The following TAMM41 variants were observed in gnomAD, a reference collection of about 807,000 sequenced individuals.
TAMM41 encodes phosphatidate cytidylyltransferase, mitochondrial.
TAMM41 carries 36 observed loss-of-function variants against 44.1 expected under a neutral mutation model. That is an observed-to-expected ratio of 0.82 (90% CI 0.63 to 1.08). The LOEUF is 1.08. Among genes scored for constraint, TAMM41 ranks in the 50% least tolerant of loss-of-function variants. The pLI is 0.00. For synonymous variants in TAMM41, 164 were observed against 153.1 expected, an observed-to-expected ratio of 1.07 and a Z score of -0.53; for missense variants, 417 against 404.3, an observed-to-expected ratio of 1.03 and a Z score of -0.27.
chr3:11,841,173 C>A (rs1447863824), intron 2 of TAMM41, among the ~76,000 whole-genome samples: 1 of 145,944 alleles, frequency 6.9e-6, no homozygotes, highest in Admixed American at 7.1e-5. Context: ...GCCCTAACTC[C>A]CTGGGCTCCA....
downstream of TAMM41, chr3:11,790,304 T>C: frequency 1.7e-6 from 1 of 593,254 alleles, no homozygotes; most frequent in East Asian, 2.8e-5. Context: ...GAGAGGGTTC[T>C]TTTCTTCTGA....
chr3:11,821,129 G>A (rs1292097289), intron 4 of TAMM41, among the ~76,000 whole-genome samples: 2 of 152,184 alleles, frequency 1.3e-5, no homozygotes, highest in Admixed American at 6.5e-5. Flanking sequence ...CAAACTTTCT[G>A]GCACCAGGAA....
chr3:11,754,546 T>C, the TAMM41 span, among the ~76,000 whole-genome samples: 1 of 151,666 alleles, frequency 6.6e-6, no homozygotes, highest in East Asian at 1.9e-4. Context: ...TAAAAAAATT[T>C]TTTATAGAGA....
the TAMM41 span, among the ~76,000 whole-genome samples, chr3:11,727,006 G>C: frequency 2.0e-5 from 3 of 151,996 alleles, no homozygotes; most frequent in Non-Finnish European, 2.9e-5. Context: ...TTCAGGGAGA[G>C]AGGAAAGAAT....
chr3:11,744,627 G>A, the TAMM41 span, among the ~76,000 whole-genome samples: 1 of 151,928 alleles, frequency 6.6e-6, no homozygotes, highest in African/African-American at 2.4e-5. Context: ...CCCAGGAGGT[G>A]GAGGTTGCAG....
chr3:11,783,074 G>A, the TAMM41 span, among the ~76,000 whole-genome samples: 2 of 152,194 alleles, frequency 1.3e-5, no homozygotes, highest in Non-Finnish European at 2.9e-5. Context: ...CTGGACAAGA[G>A]CTTCTCCTTT....
At chr3:11,725,313 CT>C in the TAMM41 span, among the ~76,000 whole-genome samples, 3 of 96,862 alleles carry the variant, frequency 3.1e-5, no homozygotes, top group Non-Finnish European at 6.3e-5. Flanking sequence ...TCCTTTTTTT[CT>C]TCTCCTCCTC....
chr3:11,724,846 T>C, the TAMM41 span: 2 of 152,292 alleles, frequency 1.3e-5, no homozygotes, highest in African/African-American at 2.4e-5. Context: ...AGCTTCTCAG[T>C]TTCCCTTTCG....
At chr3:11,736,825 A>G in the TAMM41 span, among the ~76,000 whole-genome samples, 1 of 152,142 alleles carries the variant, frequency 6.6e-6, no homozygotes, top group African/African-American at 2.4e-5. Context: ...ATTTAGGGGA[A>G]ATTCTTCTGT....
chr3:11,792,196 G>C (rs1322265287), intron 7 of TAMM41, among the ~76,000 whole-genome samples: 1 of 151,502 alleles, frequency 6.6e-6, no homozygotes, highest in African/African-American at 2.4e-5. Context: ...GTTGCTGCTA[G>C]TGGACAGAAA....
chr3:11,791,484 G>A (rs1035097375), intron 7 of TAMM41, among the ~76,000 whole-genome samples: 3 of 152,114 alleles, frequency 2.0e-5, no homozygotes, highest in African/African-American at 7.2e-5. Flanking sequence ...GTTGAGGGTG[G>A]GATCATTCAG....
chr3:11,803,149 G>C (rs1363239939), intron 7 of TAMM41, among the ~76,000 whole-genome samples: 2 of 152,198 alleles, frequency 1.3e-5, no homozygotes, highest in Admixed American at 1.3e-4. Context: ...ATGCATGCCT[G>C]TAGTCCCAGC....
intron 4 of TAMM41, among the ~76,000 whole-genome samples, 181 bp from the exon 5 acceptor site, chr3:11,817,518 A>C (rs1344631305): frequency 6.6e-6 from 1 of 152,202 alleles, no homozygotes; most frequent in Non-Finnish European, 1.5e-5. Flanking sequence ...ACTTGTTTGG[A>C]GGAAAAGAGG....
intron 7 of TAMM41, among the ~76,000 whole-genome samples, chr3:11,799,001 G>A (rs1217847429): frequency 6.6e-6 from 1 of 152,006 alleles, no homozygotes; most frequent in Non-Finnish European, 1.5e-5. Flanking sequence ...GATCACTTGA[G>A]CCCAGGAGTT....
chr3:11,742,353 A>G, the TAMM41 span, among the ~76,000 whole-genome samples: 1 of 150,356 alleles, frequency 6.7e-6, no homozygotes, highest in South Asian at 2.1e-4. Context: ...GCAACCTTAT[A>G]GGACTGGCTT....
chr3:11,837,417 GAAGA>G (rs1266053637), intron 3 of TAMM41, among the ~76,000 whole-genome samples: 1 of 150,570 alleles, frequency 6.6e-6, no homozygotes, highest in African/African-American at 2.4e-5. Flanking sequence ...AAAAAAAAAA[GAAGA>G]AAGAAAAGTG....
chr3:11,816,507 T>C lies in TAMM41; in HGVS notation c.708+685A>G, dbSNP rs188040484. On this transcript the variant is annotated intron_variant, in intron 5 of 7. Transcript: ENST00000455809. The stretch of plus-strand genomic sequence containing the variant: ...GGCTGGGTGCAGTGGCTCATCCCTA[T>C]AATCCCAGTACTTTTGGACGCTGGG... Among the ~76,000 whole-genome samples, 8 of 152,294 alleles carry C rather than the reference T, an allele frequency of 5.3e-5. No homozygotes were observed. In the East Asian group the frequency reaches 1.5e-3, roughly 29 times the overall value.
At chr3:11,751,122 C>G in the TAMM41 span, among the ~76,000 whole-genome samples, 1 of 144,796 alleles carries the variant, frequency 6.9e-6, no homozygotes, top group African/African-American at 2.6e-5. Flanking sequence ...CACAGAGTCT[C>G]ACTCTATTGC....
chr3:11,760,028 C>G, the TAMM41 span, among the ~76,000 whole-genome samples: 24 of 152,088 alleles, frequency 1.6e-4, no homozygotes, highest in African/African-American at 4.3e-4. Context: ...GAGTAGAAAA[C>G]CCACACAAAG....
Sources: allele counts gnomAD v4.1 joint callset (sites outside exome capture counted in the v4.1 genomes callset), GRCh38; gene constraint gnomAD v4.1.1; transcripts MANE v1.5; gene names NCBI Gene and HGNC (gene_info 2026-07-23, HGNC 2026-07-21).